Variants in PTPRD observed in about 807,000 individuals in gnomAD.
PTPRD encodes protein tyrosine phosphatase receptor type D.
In PTPRD, 34 loss-of-function variants were observed where a neutral mutation model predicts 214.5. That is an observed-to-expected ratio of 0.16 (90% CI 0.12 to 0.21). The LOEUF (loss-of-function observed/expected upper bound fraction) is 0.21. Among genes scored for constraint, PTPRD ranks in the 10% least tolerant of loss-of-function variants. The pLI, the probability that PTPRD is intolerant of heterozygous loss-of-function variation, is 1.00. For synonymous variants in PTPRD, 1,128 were observed against 845.7 expected (o/e 1.33, Z -5.79); for missense variants, 2,545 against 2,398.7 (o/e 1.06, Z -1.27).
chr9:10,588,893 A>G (rs1050593401), intron 2 of PTPRD, among the ~76,000 whole-genome samples: 10 of 151,980 alleles, frequency 6.6e-5, no homozygotes, highest in Admixed American at 6.6e-5. Flanking sequence ...AGTATCTAAT[A>G]TATTTTTTCT....
intron 36 of PTPRD, among the ~76,000 whole-genome samples, 185 bp from the exon 37 acceptor site, chr9:8,389,592 A>G (rs904779): frequency 6.6e-6 from 1 of 152,078 alleles, no homozygotes; most frequent in South Asian, 2.1e-4. Context: ...GTTAAAAAAA[A>G]GTATGCAAAA....
chr9:10,605,992 G>C lies in PTPRD; in HGVS notation c.-600+6406C>G, dbSNP rs138405705. ...AACCTCTGCAAGTAGTTTGAAAATA[G>C]AAGAGGGTGCAACTTCTAAGAGTAG... is the stretch of plus-strand genomic sequence containing the variant. On this transcript the variant is annotated intron_variant, in intron 2 of 45. Transcript: ENST00000381196. Among the ~76,000 whole-genome samples the C allele has an allele frequency of 6.1e-4, 93 of 151,998 alleles. 2 individuals are homozygous for C. In the East Asian group the frequency reaches 0.017, roughly 28 times the overall value.
chr9:10,160,695 T>A (rs1807687097), intron 3 of PTPRD, among the ~76,000 whole-genome samples: 1 of 151,918 alleles, frequency 6.6e-6, no homozygotes, highest in South Asian at 2.1e-4. Flanking sequence ...TCACCACTTT[T>A]ATTTAACACA....
intron 2 of PTPRD, among the ~76,000 whole-genome samples, chr9:10,486,220 C>A (rs1370772203): frequency 6.6e-6 from 1 of 152,068 alleles, no homozygotes; most frequent in Non-Finnish European, 1.5e-5. Flanking sequence ...GCTTTTGTTC[C>A]AATTGTTTCT....
chr9:9,769,066 T>A (rs1050624719), intron 5 of PTPRD, among the ~76,000 whole-genome samples: 23 of 152,114 alleles, frequency 1.5e-4, no homozygotes, highest in African/African-American at 5.1e-4. Context: ...AATTTAACTT[T>A]AATATAGGCT....
At position 9,285,491 on chromosome 9, in the gene PTPRD, C is replaced by A. The variant is rs139890364; in HGVS notation, c.-202-102128G>T. Among the ~76,000 whole-genome samples, 181 of 151,906 alleles carry A rather than the reference C, an allele frequency of 1.2e-3. 1 individual carries two copies. Among genetic ancestry groups the A allele is most frequent in the African/African-American group, 2.0e-3 (84 of 41,530 alleles). ...GAATAATCACTTGATGGCTTCATTTCTTGCTCTCTCCAGACATTCCTTGAG... is the reference window on the plus strand; with the variant it reads ...GAATAATCACTTGATGGCTTCATTTATTGCTCTCTCCAGACATTCCTTGAG... On this transcript the variant is annotated intron_variant, in intron 9 of 45. Coordinates refer to ENST00000381196, the MANE Select transcript of PTPRD (RefSeq NM_002839.4).
chr9:10,034,893 G>A (rs971248983), intron 3 of PTPRD, among the ~76,000 whole-genome samples: 9 of 152,198 alleles, frequency 5.9e-5, no homozygotes, highest in African/African-American at 1.4e-4. Context: ...GAACATACAC[G>A]TGCATGTGTC....
chr9:10,014,354 G>A (rs1420406643), intron 4 of PTPRD, among the ~76,000 whole-genome samples: 2 of 151,956 alleles, frequency 1.3e-5, no homozygotes, highest in South Asian at 2.1e-4. Flanking sequence ...TGTCTTCCAA[G>A]AAGGAATGTT....
At chr9:10,045,393 A>T (rs1196206555) in intron 3 of PTPRD, among the ~76,000 whole-genome samples, 1 of 151,768 alleles carries the variant, frequency 6.6e-6, no homozygotes, top group East Asian at 1.9e-4. Context: ...ATCTGTATAA[A>T]GTGGCTACCG....
intron 11 of PTPRD, among the ~76,000 whole-genome samples, chr9:8,912,034 G>A (rs965114432): frequency 2.0e-5 from 3 of 152,114 alleles, no homozygotes; most frequent in African/African-American, 4.8e-5. Flanking sequence ...GGAGAGAGTG[G>A]AATACTCATA....
Position 10,366,087 on chromosome 9 carries a change from A to C in PTPRD, c.-599-25070T>G, listed in dbSNP as rs557423612. On this transcript the variant is annotated intron_variant, in intron 2 of 45. Coordinates refer to ENST00000381196, the MANE Select transcript of PTPRD (RefSeq NM_002839.4). The stretch of plus-strand genomic sequence containing the variant: ...CAGGAATGTGCTAAAAAACACTGTC[A>C]CTGCTGTGGTCCCAATGTAGGTGGT... Among the ~76,000 whole-genome samples, 4 of 152,258 alleles carry C rather than the reference A, an allele frequency of 2.6e-5. No individual in the cohort carries two copies. The South Asian group carries it at 8.3e-4, about 32-fold the overall frequency.
chr9:10,240,044 G>T (rs1321198552), intron 3 of PTPRD, among the ~76,000 whole-genome samples: 1 of 151,912 alleles, frequency 6.6e-6, no homozygotes, highest in Non-Finnish European at 1.5e-5. Context: ...TCGCACAGAG[G>T]GATCAAGAAA....
At chr9:8,349,645 A>T (rs1368135808) in intron 39 of PTPRD, among the ~76,000 whole-genome samples, 1 of 152,184 alleles carries the variant, frequency 6.6e-6, no homozygotes, top group Non-Finnish European at 1.5e-5. Flanking sequence ...AAGCACTGAG[A>T]CAGATTTTTC....
chr9:10,319,012 C>T (rs2096499210), intron 3 of PTPRD, among the ~76,000 whole-genome samples: 3 of 152,034 alleles, frequency 2.0e-5, no homozygotes, highest in Admixed American at 2.0e-4. Flanking sequence ...TCTCCTTCTT[C>T]CCCTCTTTCT....
At chr9:8,957,603 A>T (rs928156181) in intron 11 of PTPRD, among the ~76,000 whole-genome samples, 20 of 151,862 alleles carry the variant, frequency 1.3e-4, no homozygotes, top group South Asian at 6.2e-4. Flanking sequence ...GATTCCTTGT[A>T]TCTTTAATCA....
chr9:9,715,556 C>A (rs548414454), intron 7 of PTPRD, among the ~76,000 whole-genome samples: 17 of 152,138 alleles, frequency 1.1e-4, no homozygotes, highest in African/African-American at 3.9e-4. Flanking sequence ...AGAACAAACA[C>A]CTGTTCCAGT....
chr9:8,738,802 T>A (rs1487407049), intron 11 of PTPRD, among the ~76,000 whole-genome samples: 1 of 152,164 alleles, frequency 6.6e-6, no homozygotes, highest in African/African-American at 2.4e-5. Context: ...CTGCTGTCAC[T>A]TAAAACTAGG....
chr9:10,425,329 T>A (rs984887466), intron 2 of PTPRD, among the ~76,000 whole-genome samples: 11 of 152,024 alleles, frequency 7.2e-5, no homozygotes, highest in Admixed American at 5.3e-4. Flanking sequence ...TTACAACACA[T>A]TAAACCAATA....
chr9:9,239,598 T>A (rs2099969282), intron 9 of PTPRD, among the ~76,000 whole-genome samples: 1 of 152,180 alleles, frequency 6.6e-6, no homozygotes, highest in Non-Finnish European at 1.5e-5. Context: ...TGTGCTCTCC[T>A]GAAATCTTAC....
Sources: gnomAD v4.1 joint callset for allele counts (sites outside exome capture counted in the v4.1 genomes callset) on GRCh38, gnomAD v4.1.1 for gene constraint, MANE v1.5 for transcripts, NCBI Gene and HGNC (gene_info 2026-07-23, HGNC 2026-07-21) for gene names.